NBEA: variants seen among roughly 807,000 people sequenced by gnomAD.
NBEA encodes lysosomal-trafficking regulator 2.
A neutral mutation model predicts 343.4 loss-of-function variants in NBEA; 44 were observed. The ratio of observed to expected loss-of-function variants is 0.13; its 90% CI spans 0.10 to 0.16. NBEA has a LOEUF of 0.16. Ranked by LOEUF, NBEA falls within the 10% of genes least tolerant of loss-of-function variation. NBEA has a pLI of 1.00. For missense variants in NBEA, 2,555 were observed against 3,631.3 expected (o/e 0.70, Z 7.62); for synonymous variants, 1,175 against 1,238.7 (o/e 0.95, Z 1.08).
intron 41 of NBEA, among the ~76,000 whole-genome samples, chr13:35,524,886 T>C (rs906782360): frequency 3.2e-4 from 49 of 152,326 alleles, no homozygotes; most frequent in African/African-American, 1.0e-3. Context: ...ATTACCTGGA[T>C]GAATGATTCA....
At chr13:35,266,567 A>G (rs771680241) in intron 34 of NBEA, among the ~76,000 whole-genome samples, 4 of 151,790 alleles carry the variant, frequency 2.6e-5, no homozygotes, top group Admixed American at 1.3e-4. Flanking sequence ...ATTATGTTAA[A>G]TGAAGTAAGC....
intron 42 of NBEA, 143 bp downstream of exon 42, chr13:35,550,737 A>G: frequency 2.9e-6 from 2 of 688,352 alleles, no homozygotes; most frequent in Non-Finnish European, 4.8e-6. Flanking sequence ...TTAAAAAATA[A>G]AAAAAGAATG....
chr13:35,552,186 A>T (rs1056100082), intron 43 of NBEA, among the ~76,000 whole-genome samples: 2 of 152,214 alleles, frequency 1.3e-5, no homozygotes, highest in South Asian at 4.1e-4. Context: ...ATCTTTGTCT[A>T]TCCTCCCTTA....
At chr13:35,244,510 A>G (rs965685238) in intron 34 of NBEA, among the ~76,000 whole-genome samples, 1 of 151,986 alleles carries the variant, frequency 6.6e-6, no homozygotes, top group Non-Finnish European at 1.5e-5. Context: ...TGTTTTCGTG[A>G]CTATGGCCTT....
chr13:35,349,085 TC>T (rs2040038647), intron 36 of NBEA, 22 bp from the exon 37 acceptor site: 1 of 1,369,424 alleles, frequency 7.3e-7, no homozygotes, highest in Non-Finnish European at 1.0e-6. Flanking sequence ...GAATAATATT[TC>T]TAAAGGTATT....
chr13:35,120,508 T>C (rs1472593985), intron 16 of NBEA, among the ~76,000 whole-genome samples: 1 of 152,238 alleles, frequency 6.6e-6, no homozygotes, highest in Non-Finnish European at 1.5e-5. Flanking sequence ...AACGAATTTA[T>C]ATGTCTGTTT....
At chr13:34,954,617 A>G (rs1289077801) in intron 1 of NBEA, among the ~76,000 whole-genome samples, 1 of 152,174 alleles carries the variant, frequency 6.6e-6, no homozygotes, top group African/African-American at 2.4e-5. Context: ...CTTGGTATCC[A>G]TGGAAGATTG....
intron 41 of NBEA, among the ~76,000 whole-genome samples, chr13:35,535,515 C>A (rs2078495352): frequency 6.6e-6 from 1 of 152,056 alleles, no homozygotes; most frequent in Non-Finnish European, 1.5e-5. Flanking sequence ...GAGACTGCTC[C>A]CATCACTCCT....
intron 41 of NBEA, among the ~76,000 whole-genome samples, chr13:35,491,586 A>G (rs1256936549): frequency 6.6e-6 from 1 of 151,842 alleles, no homozygotes; most frequent in Non-Finnish European, 1.5e-5. Context: ...AGTGTCAACA[A>G]ATCCTCCAGA....
At chr13:35,220,108 G>A (rs1049033626) in intron 33 of NBEA, among the ~76,000 whole-genome samples, 3 of 152,016 alleles carry the variant, frequency 2.0e-5, no homozygotes, top group African/African-American at 4.8e-5. Context: ...TTGATTTATC[G>A]AGGTCCTATT....
intron 1 of NBEA, among the ~76,000 whole-genome samples, chr13:34,966,394 T>C (rs2059821736): frequency 6.6e-6 from 1 of 152,088 alleles, no homozygotes; most frequent in Admixed American, 6.6e-5. Context: ...CCCCAAGTTG[T>C]GCTTGTTTCT....
intron 40 of NBEA, among the ~76,000 whole-genome samples, chr13:35,470,724 G>C (rs1049599000): frequency 2.0e-4 from 30 of 152,202 alleles, no homozygotes; most frequent in African/African-American, 7.0e-4. Flanking sequence ...GAACCGGCCC[G>C]AGCGTTGGGG....
chr13:35,559,540 A>G (rs756428272), intron 44 of NBEA, among the ~76,000 whole-genome samples: 4 of 152,162 alleles, frequency 2.6e-5, no homozygotes, highest in African/African-American at 4.8e-5. Context: ...TTGTCATAAT[A>G]TGTTTTAAAC....
intron 1 of NBEA, among the ~76,000 whole-genome samples, chr13:34,979,499 G>T (rs981254841): frequency 6.6e-6 from 1 of 151,830 alleles, no homozygotes; most frequent in Non-Finnish European, 1.5e-5. Context: ...CATCCTGGGT[G>T]ACAGAGCAAG....
chr13:35,124,920 A>T (rs185039902), intron 17 of NBEA, among the ~76,000 whole-genome samples: 11 of 152,224 alleles, frequency 7.2e-5, no homozygotes, highest in Admixed American at 6.5e-4. Flanking sequence ...AGAGATAAAG[A>T]TCACTTCTTT....
intron 36 of NBEA, among the ~76,000 whole-genome samples, chr13:35,334,003 C>T (rs1844869305): frequency 2.0e-5 from 3 of 152,038 alleles, no homozygotes; most frequent in Admixed American, 1.3e-4. Flanking sequence ...CTGCAACAGA[C>T]GTAAGAGTGT....
At chr13:34,979,570 T>G (rs1468465293) in intron 1 of NBEA, among the ~76,000 whole-genome samples, 4 of 152,064 alleles carry the variant, frequency 2.6e-5, no homozygotes, top group Admixed American at 6.6e-5. Context: ...CCTATTCAAA[T>G]CTTTTGCCAA....
intron 41 of NBEA, among the ~76,000 whole-genome samples, chr13:35,505,579 G>A (rs1271356976): frequency 6.6e-6 from 1 of 152,146 alleles, no homozygotes; most frequent in African/African-American, 2.4e-5. Flanking sequence ...TGCCTAAGCT[G>A]AAGCCTGAAG....
intron 49 of NBEA, among the ~76,000 whole-genome samples, chr13:35,630,620 T>A (rs2083407320): frequency 6.6e-6 from 1 of 152,012 alleles, no homozygotes; most frequent in African/African-American, 2.4e-5. Context: ...AGACCCAGAG[T>A]CATACTGTGA....
Sources: allele counts gnomAD v4.1 joint callset (sites outside exome capture counted in the v4.1 genomes callset), GRCh38; gene constraint gnomAD v4.1.1; transcripts MANE v1.5; gene names NCBI Gene and HGNC (gene_info 2026-07-23, HGNC 2026-07-21).